PRH1: variants seen among roughly 807,000 people sequenced by gnomAD.
PRH1 encodes the protein proline rich protein HaeIII subfamily 1.
A neutral mutation model predicts 7.9 loss-of-function variants in PRH1; 7 were observed. The ratio of observed to expected loss-of-function variants is 0.89; its 90% confidence interval spans 0.50 to 1.67. The LOEUF (loss-of-function observed/expected upper bound fraction) is 1.67, where lower values mean the gene tolerates loss of function less well. Among genes scored for constraint, PRH1 ranks in the 40% most tolerant of loss-of-function variants. PRH1 has a pLI of 0.00. For synonymous variants in PRH1, 45 were observed against 80.8 expected, an observed-to-expected ratio of 0.56 and a Z score of 2.38; for missense variants, 109 against 223.6, an observed-to-expected ratio of 0.49 and a Z score of 3.27.
intron 2 of PRH1, among the ~76,000 whole-genome samples, chr12:10,967,919 T>A (rs1450265587): frequency 6.6e-6 from 1 of 152,096 alleles, no homozygotes; most frequent in Non-Finnish European, 1.5e-5. Flanking sequence ...AAAATCCTCT[T>A]TTTAAAAATA....
chr12:11,102,986 A>T (rs887981176), intron 1 of PRH1, among the ~76,000 whole-genome samples: 1 of 152,238 alleles, frequency 6.6e-6, no homozygotes, highest in African/African-American at 2.4e-5. Flanking sequence ...TCAAAACCAC[A>T]ATGAGATACT....
At position 11,091,494 on chromosome 12, in the gene PRH1, T is replaced by C. The variant is rs778520919; in HGVS notation, n.124-44306A>G. 8 of 1,381,176 alleles carry C rather than the reference T, an allele frequency of 5.8e-6. 1 individual carries two copies. In the South Asian group the frequency reaches 9.1e-5, roughly 16 times the overall value. The allele number at this position is 1,381,176 out of a possible 1,614,324, so 85.6% of individuals were successfully genotyped here. A position where few individuals can be genotyped will look rare whatever the true frequency, so the allele number is the denominator to read the frequency against. On this transcript the variant is annotated intron_variant and non_coding_transcript_variant, in intron 1 of 4. Transcript: ENST00000541977. Reference sequence around the variant, plus strand: ...CTTCCAAAACTCCAAACTGATATCATTATGGACAGAAAGTAAATGGCACAT... The same window carrying C: ...CTTCCAAAACTCCAAACTGATATCACTATGGACAGAAAGTAAATGGCACAT...
intron 1 of PRH1, among the ~76,000 whole-genome samples, chr12:11,099,949 G>C (rs948525346): frequency 2.6e-5 from 4 of 152,162 alleles, no homozygotes; most frequent in African/African-American, 4.8e-5. Flanking sequence ...CCTTTGGAGA[G>C]ATCTGCGCTT....
rs548018490 is a variant in PRH1, at chr12:11,170,714, A to T, written n.39+708T>A. Among the ~76,000 whole-genome samples, 9 of 152,278 alleles carry T rather than the reference A, an allele frequency of 5.9e-5. No homozygotes were observed. The East Asian group carries it at 1.7e-3, about 29-fold the overall frequency. On this transcript the variant is annotated intron_variant and non_coding_transcript_variant, in intron 1 of 1. Transcript: ENST00000541175. The stretch of plus-strand genomic sequence containing the variant: ...TGGCTGGGAATATAATTTTGTATGT[A>T]TGTCCTTATGTATATACGCGTGTGT...
intron 1 of PRH1, among the ~76,000 whole-genome samples, chr12:10,981,279 G>A (rs1362895239): frequency 6.6e-6 from 1 of 151,322 alleles, no homozygotes; most frequent in Non-Finnish European, 1.5e-5. Context: ...AGACTTTTAA[G>A]TTTGGAGCCT....
At position 11,168,213 on chromosome 12, in the gene PRH1, G is replaced by GAAAGAAAGA. The variant is rs11381862; in HGVS notation, n.39+3208_39+3209insTCTTTCTTT. Reference sequence around the variant, plus strand: ...CATGGCAAAAAACGAAAGAAAGAAAGAAGAAAGAAAGAAAGAAAGAAAGAA... The same window carrying GAAAGAAAGA: ...CATGGCAAAAAACGAAAGAAAGAAAGAAAGAAAGAAAGAAAGAAAGAAAGAAAGAAAGAA... On this transcript the variant is annotated intron_variant and non_coding_transcript_variant, in intron 1 of 1. Transcript: ENST00000541175. Among the ~76,000 whole-genome samples the GAAAGAAAGA allele has an allele frequency of 3.6e-4, 7 of 19,662 alleles. 3 individuals are homozygous for GAAAGAAAGA. The highest frequency in any genetic ancestry group is 3.2e-3 in the East Asian group (2 of 616). 12.9% of individuals were successfully genotyped at this position (19,662 alleles called of 152,430 possible).
At chr12:10,962,030 A>C (rs1938259998) in intron 2 of PRH1, among the ~76,000 whole-genome samples, 1 of 152,148 alleles carries the variant, frequency 6.6e-6, no homozygotes, top group Non-Finnish European at 1.5e-5. Flanking sequence ...TCTTGCCTCA[A>C]TTTCCACGCG....
Position 10,986,680 on chromosome 12 carries a change from C to A in PRH1, c.-125-12959G>T, listed in dbSNP as rs148506133. 1,430 of 1,612,192 alleles carry A rather than the reference C, an allele frequency of 8.9e-4. 22 individuals are homozygous for A. In the African/African-American group the frequency reaches 0.017, roughly 19 times the overall value. Reference sequence around the variant, plus strand: ...GTTAAATACCAATTTAATAATAATGCCCAGAGCAAACCAATTCTGGAGACC... The same window carrying A: ...GTTAAATACCAATTTAATAATAATGACCAGAGCAAACCAATTCTGGAGACC... On this transcript the variant is annotated intron_variant, in intron 1 of 3. Transcript: ENST00000539853.
At chr12:11,059,664 G>T in intron 1 of PRH1, among the ~76,000 whole-genome samples, 1 of 151,690 alleles carries the variant, frequency 6.6e-6, no homozygotes, top group East Asian at 1.9e-4. Context: ...ACCTGATACA[G>T]TTGCATCAAG....
Position 10,930,510 on chromosome 12 carries a change from GT to G in PRH1, c.-59+43144del, listed in dbSNP as rs1950189899. 2.0e-5 allele frequency: 30 copies of G among 1,475,318 alleles called. No homozygotes were observed. The South Asian group carries it at 3.8e-4, about 19-fold the overall frequency. 91.4% of individuals were successfully genotyped at this position (1,475,318 alleles called of 1,614,324 possible). Reference sequence around the variant, plus strand: ...ACCACCCTAATGTGGATTAAGAGGAGTTCTAATTAGGAAGCCTTGGGAAGGG... The same window carrying G: ...ACCACCCTAATGTGGATTAAGAGGAGTCTAATTAGGAAGCCTTGGGAAGGG... On this transcript the variant is annotated intron_variant, in intron 2 of 3. Transcript: ENST00000539853.
intron 1 of PRH1, among the ~76,000 whole-genome samples, chr12:11,087,462 TAATC>T (rs1326705938): frequency 8.6e-6 from 1 of 116,570 alleles, no homozygotes; most frequent in Non-Finnish European, 2.0e-5. Flanking sequence ...AAGGTGGAGC[TAATC>T]AGTTTGTAGT....
intron 1 of PRH1, chr12:11,078,895 A>G (rs1202356197): frequency 6.6e-6 from 1 of 152,092 alleles, no homozygotes; most frequent in African/African-American, 2.4e-5. Flanking sequence ...ATCATTGTTA[A>G]TAAGCTCCTA....
chr12:10,912,898 T>C (rs1216097744), intron 2 of PRH1, among the ~76,000 whole-genome samples: 1 of 152,206 alleles, frequency 6.6e-6, no homozygotes, highest in Non-Finnish European at 1.5e-5. Context: ...GTTTCATACA[T>C]CCACTAGATC....
chr12:11,021,716 G>C, intron 1 of PRH1: 1 of 1,613,924 alleles, frequency 6.2e-7, no homozygotes. Flanking sequence ...GTCTGTTTTA[G>C]CTTCCTACTT....
At chr12:11,078,931 A>G (rs1393158425) in intron 1 of PRH1, 5 of 152,024 alleles carry the variant, frequency 3.3e-5, no homozygotes, top group African/African-American at 1.2e-4. Flanking sequence ...ATGCACTCAC[A>G]CCTTTAGGGG....
At chr12:10,968,453 A>G (rs1020199652) in intron 2 of PRH1, among the ~76,000 whole-genome samples, 4 of 152,248 alleles carry the variant, frequency 2.6e-5, no homozygotes, top group Admixed American at 1.3e-4. Flanking sequence ...GATGATAGCT[A>G]CAAGGTAGAC....
chr12:11,123,292 ATTCT>A (rs1945978090), intron 1 of PRH1, among the ~76,000 whole-genome samples: 1 of 30,814 alleles, frequency 3.2e-5, no homozygotes, highest in South Asian at 1.8e-3. Context: ...TACAATGAAC[ATTCT>A]TTCACATATC....
intron 1 of PRH1, among the ~76,000 whole-genome samples, chr12:11,152,770 A>G (rs1394092680): frequency 6.6e-6 from 1 of 152,206 alleles, no homozygotes; most frequent in Admixed American, 6.5e-5. Context: ...TTAGAATATT[A>G]GCAGAATGTA....
At position 10,997,755 on chromosome 12, in the gene PRH1, T is replaced by C. The variant is rs1940363350; in HGVS notation, c.-125-24034A>G. 1.9e-6 allele frequency: 3 copies of C among 1,613,806 alleles called. No homozygotes were observed. In the African/African-American group the frequency reaches 4.0e-5, roughly 22 times the overall value. ...GCAATAATTTGATCAGCTGAGGAGA[T>C]CTTTTGTCTCTTGACCCAGGCAATG... On this transcript the variant is annotated intron_variant, in intron 1 of 3. Transcript: ENST00000539853.
Sources: allele counts gnomAD v4.1 joint callset (sites outside exome capture counted in the v4.1 genomes callset), GRCh38; gene constraint gnomAD v4.1.1; transcripts MANE v1.5; gene names NCBI Gene and HGNC (gene_info 2026-07-23, HGNC 2026-07-21).